RABGEF1: variants seen among roughly 807,000 people sequenced by gnomAD.
RABGEF1 encodes the protein RAB guanine nucleotide exchange factor 1.
In RABGEF1, 26 loss-of-function variants were observed where a neutral mutation model predicts 57.3. The observed-to-expected ratio is 0.45, with a 90% CI of 0.33 to 0.63. The LOEUF (loss-of-function observed/expected upper bound fraction) is 0.63, where lower values mean the gene tolerates loss of function less well. Among genes scored for constraint, RABGEF1 ranks in the 20% least tolerant of loss-of-function variants. The probability of loss-of-function intolerance (pLI) is 0.02; values close to 1 mark genes in which losing one functional copy is unlikely to be tolerated. For synonymous variants in RABGEF1, 185 were observed against 210.7 expected, an observed-to-expected ratio of 0.88 and a Z score of 1.06; for missense variants, 464 against 607.6, an observed-to-expected ratio of 0.76 and a Z score of 2.48.
At chr7:66,696,612 C>G (rs1792372232) in intron 1 of RABGEF1, among the ~76,000 whole-genome samples, 1 of 151,340 alleles carries the variant, frequency 6.6e-6, no homozygotes, top group Admixed American at 6.6e-5. Context: ...ATCACTTGAA[C>G]CCAGGAGGTG....
chr7:66,765,232 A>C (rs1180174218), intron 1 of RABGEF1, among the ~76,000 whole-genome samples: 2 of 151,496 alleles, frequency 1.3e-5, no homozygotes. Context: ...CTAAAGTTAC[A>C]TTTCCAGTAC....
chr7:66,807,614 G>A, intron 8 of RABGEF1, among the ~76,000 whole-genome samples: 1 of 152,136 alleles, frequency 6.6e-6, no homozygotes, highest in East Asian at 1.9e-4. Context: ...AATATAATTT[G>A]TTCAGAGCTA....
chr7:66,764,740 T>C (rs1439581338), intron 1 of RABGEF1, among the ~76,000 whole-genome samples: 1 of 152,354 alleles, frequency 6.6e-6, no homozygotes, highest in East Asian at 1.9e-4. Flanking sequence ...TTGAGTAGTC[T>C]TGGTACTTTT....
At chr7:66,783,868 CAT>C (rs1310117842) in intron 4 of RABGEF1, 27 bp downstream of exon 4, 5 of 1,598,356 alleles carry the variant, frequency 3.1e-6, no homozygotes, top group African/African-American at 2.7e-5. Context: ...CACGTAGAAA[CAT>C]AGAGTTTTGG....
chr7:66,680,204 T>G (rs2116993081), upstream of RABGEF1, among the ~76,000 whole-genome samples: 1 of 152,304 alleles, frequency 6.6e-6, no homozygotes, highest in Non-Finnish European at 1.5e-5. Context: ...TTATTGTTTA[T>G]TGGCTCCTCC....
intron 3 of RABGEF1, among the ~76,000 whole-genome samples, chr7:66,775,943 G>A (rs1348746918): frequency 6.6e-6 from 1 of 152,174 alleles, no homozygotes; most frequent in Non-Finnish European, 1.5e-5. Flanking sequence ...GGATTTGTAT[G>A]TAGGTGATCA....
intron 1 of RABGEF1, among the ~76,000 whole-genome samples, chr7:66,752,182 ACT>A (rs1319907730): frequency 6.7e-6 from 1 of 149,632 alleles, no homozygotes; most frequent in African/African-American, 2.5e-5. Flanking sequence ...TGAGTGACAG[ACT>A]CTGTCCCAAT....
rs538284576 is a variant in RABGEF1, at chr7:66,726,261, C to T, written c.-814-13735C>T. On this transcript the variant is annotated intron_variant and NMD_transcript_variant, in intron 2 of 9. Transcript: ENST00000607882. ...CTGGGTGGTAGTGCCTCCAGTTCTGCAGTCCTCTCTTCCTGTAGCTGGGGC... is the reference window on the plus strand; with the variant it reads ...CTGGGTGGTAGTGCCTCCAGTTCTGTAGTCCTCTCTTCCTGTAGCTGGGGC... 2.0e-5 allele frequency among the ~76,000 whole-genome samples: 3 copies of T among 152,328 alleles called. No individual in the cohort carries two copies. In the South Asian group the frequency reaches 6.2e-4, roughly 32 times the overall value.
chr7:66,776,113 G>T (rs1413566419), intron 3 of RABGEF1, among the ~76,000 whole-genome samples: 4 of 152,166 alleles, frequency 2.6e-5, no homozygotes, highest in Non-Finnish European at 5.9e-5. Context: ...GAAAATTTAT[G>T]TTGGTACTCA....
At chr7:66,663,132 G>C in the RABGEF1 span, among the ~76,000 whole-genome samples, 2 of 152,264 alleles carry the variant, frequency 1.3e-5, no homozygotes, top group Non-Finnish European at 2.9e-5. Flanking sequence ...TGTTCCTGCT[G>C]CAGTTAACTA....
intron 1 of RABGEF1, among the ~76,000 whole-genome samples, chr7:66,751,176 G>A (rs750663503): frequency 3.3e-5 from 5 of 152,018 alleles, no homozygotes; most frequent in Non-Finnish European, 5.9e-5. Context: ...AATTACAGAC[G>A]TGCGCCACCG....
At chr7:66,717,484 G>A (rs939417072) in intron 2 of RABGEF1, among the ~76,000 whole-genome samples, 4 of 152,108 alleles carry the variant, frequency 2.6e-5, no homozygotes, top group Non-Finnish European at 4.4e-5. Context: ...AGGCCAGGGC[G>A]TGGTGGCTCA....
At chr7:66,660,425 A>C in the RABGEF1 span, among the ~76,000 whole-genome samples, 1 of 152,224 alleles carries the variant, frequency 6.6e-6, no homozygotes, top group South Asian at 2.1e-4. Context: ...TTATAAGATA[A>C]TACCACAAAC....
chr7:66,693,965 G>T (rs1311917171), intron 1 of RABGEF1, among the ~76,000 whole-genome samples: 1 of 152,042 alleles, frequency 6.6e-6, no homozygotes, highest in East Asian at 1.9e-4. Flanking sequence ...GTTCCACTAC[G>T]TTTGGTTAAT....
intron 1 of RABGEF1, among the ~76,000 whole-genome samples, chr7:66,752,534 GCT>G (rs1489818249): frequency 6.6e-6 from 1 of 151,556 alleles, no homozygotes; most frequent in Non-Finnish European, 1.5e-5. Flanking sequence ...TCTTCCAAAA[GCT>G]CTCTCATGGT....
intron 1 of RABGEF1, among the ~76,000 whole-genome samples, chr7:66,697,934 G>A (rs1792601989): frequency 6.6e-6 from 1 of 152,122 alleles, no homozygotes; most frequent in African/African-American, 2.4e-5. Context: ...CCCTCCATGA[G>A]CCTCTTCCTT....
intron 1 of RABGEF1, among the ~76,000 whole-genome samples, chr7:66,688,498 A>G (rs1260732776): frequency 6.6e-6 from 1 of 152,234 alleles, no homozygotes; most frequent in Non-Finnish European, 1.5e-5. Flanking sequence ...TCCAGAGTAT[A>G]TAGTGTATTA....
chr7:66,737,067 A>T (rs111603276), upstream of RABGEF1, among the ~76,000 whole-genome samples: 10 of 85,662 alleles, frequency 1.2e-4, no homozygotes, highest in Admixed American at 1.1e-3. Context: ...AGAGAGAGAG[A>T]GAGAGTGAGA....
intron 4 of RABGEF1, among the ~76,000 whole-genome samples, chr7:66,791,285 C>T (rs2129161472): frequency 6.6e-6 from 1 of 152,236 alleles, no homozygotes; most frequent in East Asian, 1.9e-4. Flanking sequence ...TTTTCTTCAT[C>T]TAAATGTGGA....
Sources: gnomAD v4.1 joint callset for allele counts (sites outside exome capture counted in the v4.1 genomes callset) on GRCh38, gnomAD v4.1.1 for gene constraint, MANE v1.5 for transcripts, NCBI Gene and HGNC (gene_info 2026-07-23, HGNC 2026-07-21) for gene names.